THSD7A: variants seen among roughly 807,000 people sequenced by gnomAD.
THSD7A encodes thrombospondin type 1 domain containing 7A, also known as thrombospondin type-1 domain-containing protein 7A.
Under a neutral mutation model 231.3 loss-of-function variants are expected in THSD7A, and 96 were observed. The ratio of observed to expected loss-of-function variants is 0.41; its 90% CI spans 0.35 to 0.49. The LOEUF is 0.49. Among genes scored for constraint, THSD7A ranks in the 20% least tolerant of loss-of-function variants. The probability of loss-of-function intolerance (pLI) is 0.05; values close to 1 mark genes in which losing one functional copy is unlikely to be tolerated. For synonymous variants in THSD7A, 940 were observed against 743.3 expected (o/e 1.26, Z -4.30); for missense variants, 2,290 against 2,070.2 (o/e 1.11, Z -2.06).
chr7:11,771,428 A>C (rs905608366), intron 1 of THSD7A, among the ~76,000 whole-genome samples: 2 of 152,156 alleles, frequency 1.3e-5, no homozygotes, highest in Non-Finnish European at 1.5e-5. Context: ...AATTAAATAA[A>C]TAGAAAATAA....
intron 6 of THSD7A, among the ~76,000 whole-genome samples, chr7:11,522,946 G>A (rs1788326158): frequency 2.6e-5 from 4 of 152,012 alleles, no homozygotes; most frequent in Admixed American, 2.6e-4. Context: ...CATTTTATAA[G>A]TGTCTGTAGA....
intron 4 of THSD7A, among the ~76,000 whole-genome samples, chr7:11,566,487 G>T (rs1001182641): frequency 2.0e-5 from 3 of 152,180 alleles, no homozygotes; most frequent in African/African-American, 7.2e-5. Flanking sequence ...GAGGAACACA[G>T]CTATGAAGGA....
chr7:11,707,440 A>T (rs1476297189), intron 1 of THSD7A, among the ~76,000 whole-genome samples: 1 of 150,718 alleles, frequency 6.6e-6, no homozygotes, highest in South Asian at 2.1e-4. Flanking sequence ...TGTATATATA[A>T]CTCTGTTGGA....
In THSD7A at chr7:11,474,329, C is replaced by T; in HGVS notation, c.2252+5G>A. ...GATTTACTGTTGTCATTCTAAAGCT[C>T]TTACTTTTTGGGTCCCACTTGGCCC... On this transcript the variant is annotated splice_donor_5th_base_variant and intron_variant, in intron 8 of 27. Coordinates refer to ENST00000423059, the MANE Select transcript of THSD7A (RefSeq NM_015204.3). This position sits in a 1 kb window ranked among gnomAD's most constrained non-coding sequence, Gnocchi z 4.1. 1 of 1,605,536 alleles carries T rather than the reference C, an allele frequency of 6.2e-7. No homozygotes were observed. The highest frequency in any genetic ancestry group is 8.5e-7 in the Non-Finnish European group (1 of 1,174,900).
intron 1 of THSD7A, among the ~76,000 whole-genome samples, chr7:11,727,659 A>G (rs559953690): frequency 6.6e-6 from 1 of 152,054 alleles, no homozygotes; most frequent in Non-Finnish European, 1.5e-5. Context: ...AAAATTGTTC[A>G]AGAAAATATA....
chr7:11,668,536 AG>A (rs1783247070), intron 1 of THSD7A, among the ~76,000 whole-genome samples: 1 of 147,400 alleles, frequency 6.8e-6, no homozygotes, highest in African/African-American at 2.5e-5. Flanking sequence ...ACAGAAAGAA[AG>A]AAAGAGAAGA....
At chr7:11,726,041 C>T (rs752772973) in intron 1 of THSD7A, among the ~76,000 whole-genome samples, 7 of 151,954 alleles carry the variant, frequency 4.6e-5, no homozygotes, top group Admixed American at 3.3e-4. Context: ...AGTTTTATCA[C>T]ATTTTAACTA....
At chr7:11,820,773 G>C in intron 1 of THSD7A, 2 of 1,199,880 alleles carry the variant, frequency 1.7e-6, no homozygotes, top group Non-Finnish European at 1.2e-6. Flanking sequence ...TGAGATGACC[G>C]GGAGGAAGAG....
intron 9 of THSD7A, 113 bp from the exon 10 acceptor site, chr7:11,462,256 C>T: frequency 1.7e-6 from 2 of 1,184,274 alleles, no homozygotes; most frequent in Admixed American, 4.9e-5. Context: ...TTTGACATCC[C>T]TGAGAGGCTT....
chr7:11,583,152 G>A (rs1314950053), intron 4 of THSD7A, among the ~76,000 whole-genome samples: 1 of 151,700 alleles, frequency 6.6e-6, no homozygotes, highest in African/African-American at 2.4e-5. Context: ...CAGTGAATGT[G>A]TTTTTCAGTT....
intron 1 of THSD7A, among the ~76,000 whole-genome samples, chr7:11,812,461 G>A (rs1784558994): frequency 1.3e-5 from 2 of 152,082 alleles, no homozygotes; most frequent in Admixed American, 6.6e-5. Context: ...GGATTGTTTA[G>A]ATAAAATACG....
At chr7:11,412,199 A>G (rs551304059) in intron 18 of THSD7A, among the ~76,000 whole-genome samples, 1 of 152,350 alleles carries the variant, frequency 6.6e-6, no homozygotes, top group East Asian at 1.9e-4. Flanking sequence ...CACCTTTTAT[A>G]GCATTGATTT....
intron 1 of THSD7A, among the ~76,000 whole-genome samples, chr7:11,688,647 G>A (rs1780138074): frequency 2.0e-5 from 3 of 151,834 alleles, no homozygotes; most frequent in Admixed American, 1.3e-4. Context: ...TTCAGATAAA[G>A]AGGTAACATG....
intron 1 of THSD7A, among the ~76,000 whole-genome samples, chr7:11,812,798 G>C (rs752921019): frequency 1.3e-5 from 2 of 152,188 alleles, no homozygotes; most frequent in East Asian, 3.9e-4. Flanking sequence ...TCATTTTTAG[G>C]TATATCATAA....
At chr7:11,744,689 G>C (rs10226967) in intron 1 of THSD7A, among the ~76,000 whole-genome samples, 1 of 148,304 alleles carries the variant, frequency 6.7e-6, no homozygotes, top group Non-Finnish European at 1.5e-5. Context: ...GAGAACATGC[G>C]GTGTTTGGTT....
At chr7:11,545,305 A>G (rs931257457) in intron 4 of THSD7A, among the ~76,000 whole-genome samples, 2 of 152,118 alleles carry the variant, frequency 1.3e-5, no homozygotes, top group African/African-American at 4.8e-5. Context: ...TTGAAATAAT[A>G]ATTTATATAA....
intron 1 of THSD7A, among the ~76,000 whole-genome samples, chr7:11,739,080 C>A (rs984826079): frequency 6.6e-6 from 1 of 151,872 alleles, no homozygotes; most frequent in Non-Finnish European, 1.5e-5. Context: ...TTCGGTGGCC[C>A]AAGTAACAAA....
chr7:11,389,293 C>G (rs183552852), intron 23 of THSD7A, among the ~76,000 whole-genome samples: 11 of 151,884 alleles, frequency 7.2e-5, no homozygotes, highest in African/African-American at 2.4e-4. Context: ...TTGGGTGCAT[C>G]TATATTTAAG....
chr7:11,389,614 C>A (rs1225052246), intron 23 of THSD7A, among the ~76,000 whole-genome samples: 3 of 151,876 alleles, frequency 2.0e-5, no homozygotes, highest in Middle Eastern at 6.8e-3. Context: ...GCATTTAGCC[C>A]ATTTACATTT....
Sources: gnomAD v4.1 joint callset for allele counts (sites outside exome capture counted in the v4.1 genomes callset) on GRCh38, gnomAD v4.1.1 for gene constraint, Gnocchi (gnomAD v3.1) non-coding constraint, MANE v1.5 for transcripts, NCBI Gene and HGNC (gene_info 2026-07-23, HGNC 2026-07-21) for gene names.